SLCO2A1: variants seen among roughly 807,000 people sequenced by gnomAD.
SLCO2A1 encodes matrin F/G 1.
Under a neutral mutation model 71.7 loss-of-function variants are expected in SLCO2A1, and 60 were observed. The observed-to-expected ratio is 0.84, with a 90% confidence interval of 0.68 to 1.04. The LOEUF (loss-of-function observed/expected upper bound fraction) is 1.04. Ranked by LOEUF, SLCO2A1 falls within the 50% of genes least tolerant of loss-of-function variation. The pLI is 0.00. For missense variants in SLCO2A1, 745 were observed against 813.4 expected (o/e 0.92, Z 1.02); for synonymous variants, 308 against 326.7 (o/e 0.94, Z 0.62).
chr3:133,996,800 A>G (rs546293724), intron 1 of SLCO2A1, among the ~76,000 whole-genome samples: 2 of 152,308 alleles, frequency 1.3e-5, no homozygotes, highest in South Asian at 4.2e-4. Context: ...TAAACAAAAT[A>G]AAAACCCAGT....
At chr3:133,977,064 C>A (rs1934476983) in intron 2 of SLCO2A1, among the ~76,000 whole-genome samples, 1 of 152,194 alleles carries the variant, frequency 6.6e-6, no homozygotes, top group African/African-American at 2.4e-5. Context: ...TCCCCTTGCA[C>A]CAGGCCGGGC....
chr3:134,020,177 A>T (rs1052236267), intron 1 of SLCO2A1, among the ~76,000 whole-genome samples: 1 of 151,904 alleles, frequency 6.6e-6, no homozygotes, highest in Non-Finnish European at 1.5e-5. Context: ...GCTCATGTGC[A>T]CCCCCTTAGA....
intron 3 of SLCO2A1, 51 bp downstream of exon 3, chr3:133,973,612 A>AGAT: frequency 6.3e-7 from 1 of 1,594,428 alleles, no homozygotes; most frequent in Non-Finnish European, 8.6e-7. Context: ...TAACTTTGTG[A>AGAT]GATGTTCACC....
intron 3 of SLCO2A1, among the ~76,000 whole-genome samples, chr3:133,972,039 G>A (rs77168800): frequency 0.13 from 20,312 of 152,052 alleles, 1,721 homozygotes; most frequent in East Asian, 0.4. Context: ...AAAACAATGG[G>A]AGGATTAACA....
rs185419255 is a variant in SLCO2A1 at position 134,010,090 on chromosome 3, T to G, written c.96+19617A>C. Among the ~76,000 whole-genome samples the G allele has an allele frequency of 8.6e-4, 131 of 152,358 alleles. 1 individual carries two copies. Among genetic ancestry groups the G allele is most frequent in the Non-Finnish European group, 1.4e-3 (93 of 68,046 alleles). The stretch of plus-strand genomic sequence containing the variant: ...CCCAGGAAGAGGCCTCAAGTGTATT[T>G]GCATTCACAACTAAATATCCATACA... On this transcript the variant is annotated intron_variant, in intron 1 of 13. Transcript: ENST00000310926.
intron 1 of SLCO2A1, among the ~76,000 whole-genome samples, chr3:134,029,473 A>AACACACACACAC (rs146731617): frequency 0.027 from 4,015 of 149,976 alleles, 146 homozygotes; most frequent in Admixed American, 0.07. Context: ...AAGGCGTGTG[A>AACACACACACAC]ACACACACAC....
chr3:133,937,560 C>T (rs1231753786), intron 12 of SLCO2A1, among the ~76,000 whole-genome samples: 2 of 152,174 alleles, frequency 1.3e-5, no homozygotes, highest in African/African-American at 4.8e-5. Context: ...GTTGACCTGG[C>T]CCCTGGGTAA....
intron 3 of SLCO2A1, among the ~76,000 whole-genome samples, chr3:133,972,668 A>G (rs1441666281): frequency 6.6e-6 from 1 of 152,228 alleles, no homozygotes; most frequent in Non-Finnish European, 1.5e-5. Flanking sequence ...AGGTATGACA[A>G]TTAGACTAAT....
chr3:133,991,897 C>T (rs539770392), intron 1 of SLCO2A1, among the ~76,000 whole-genome samples: 1 of 152,366 alleles, frequency 6.6e-6, no homozygotes, highest in Non-Finnish European at 1.5e-5. Context: ...AAGGCACCCT[C>T]TGAGGCCTAT....
intron 1 of SLCO2A1, among the ~76,000 whole-genome samples, chr3:134,028,546 T>A (rs745847973): frequency 3.3e-5 from 5 of 152,222 alleles, no homozygotes; most frequent in Non-Finnish European, 4.4e-5. Context: ...TGAGTAAGTA[T>A]GCAGGTGAGA....
intron 1 of SLCO2A1, among the ~76,000 whole-genome samples, chr3:133,986,085 T>C (rs1301753034): frequency 1.3e-5 from 2 of 152,252 alleles, no homozygotes; most frequent in Non-Finnish European, 2.9e-5. Flanking sequence ...TACAGGTTTA[T>C]ACATTTGTCA....
At chr3:133,974,074 A>C (rs1205765754) in intron 2 of SLCO2A1, among the ~76,000 whole-genome samples, 1 of 152,226 alleles carries the variant, frequency 6.6e-6, no homozygotes, top group East Asian at 1.9e-4. Flanking sequence ...GACCAGACCA[A>C]AGGAAGTATC....
intron 1 of SLCO2A1, among the ~76,000 whole-genome samples, chr3:134,028,253 C>A (rs866394436): frequency 6.6e-6 from 1 of 152,176 alleles, no homozygotes; most frequent in Admixed American, 6.5e-5. Context: ...CCTGCAGAGG[C>A]CCCTTTCTTT....
intron 5 of SLCO2A1, 140 bp from the exon 6 acceptor site, chr3:133,951,484 T>G (rs1933745900): frequency 1.0e-6 from 1 of 995,804 alleles, no homozygotes; most frequent in South Asian, 1.6e-5. Context: ...AGATTCTTGG[T>G]CAAAACAACA....
At chr3:133,972,461 C>G (rs770080645) in intron 3 of SLCO2A1, among the ~76,000 whole-genome samples, 1 of 152,048 alleles carries the variant, frequency 6.6e-6, no homozygotes, top group Non-Finnish European at 1.5e-5. Context: ...TGTGCAATAT[C>G]AGGAATGTTT....
intron 1 of SLCO2A1, among the ~76,000 whole-genome samples, chr3:134,015,951 A>G (rs1010010816): frequency 2.6e-5 from 4 of 152,192 alleles, no homozygotes; most frequent in African/African-American, 9.6e-5. Flanking sequence ...TGGTGGAGAA[A>G]CAACTGGATA....
In SLCO2A1 at chr3:133,988,819, G is replaced by A. The variant is rs370741368; in HGVS notation, c.97-9201C>T. Among the ~76,000 whole-genome samples the A allele has an allele frequency of 3.8e-4, 58 of 152,328 alleles. No homozygotes were observed. The South Asian group carries it at 0.012, about 31-fold the overall frequency. On this transcript the variant is annotated intron_variant, in intron 1 of 13. Transcript: ENST00000310926. ...GCCGAGCTGACTGCATACCAGACAG[G>A]TGGGAACACGTGAGACAGGAGAACA...
chr3:134,020,657 A>G (rs1935554377), intron 1 of SLCO2A1, among the ~76,000 whole-genome samples: 1 of 152,230 alleles, frequency 6.6e-6, no homozygotes, highest in Non-Finnish European at 1.5e-5. Flanking sequence ...CTGATCACCC[A>G]TGGCGTGCCT....
intron 2 of SLCO2A1, among the ~76,000 whole-genome samples, chr3:133,978,057 A>G (rs1389403176): frequency 6.6e-6 from 1 of 152,194 alleles, no homozygotes; most frequent in African/African-American, 2.4e-5. Context: ...TGACTTAGAC[A>G]GGCTGCAGGA....
Sources: gnomAD v4.1 joint callset for allele counts (sites outside exome capture counted in the v4.1 genomes callset) on GRCh38, gnomAD v4.1.1 for gene constraint, MANE v1.5 for transcripts, NCBI Gene and HGNC (gene_info 2026-07-23, HGNC 2026-07-21) for gene names.